The following FBXO34 variants were observed in gnomAD, a reference collection of about 807,000 sequenced individuals.
The protein encoded by FBXO34 is F-box only protein 34.
FBXO34 carries 12 observed loss-of-function variants against 24.5 expected under a neutral mutation model. The ratio of observed to expected loss-of-function variants is 0.49; its 90% confidence interval spans 0.31 to 0.79. The LOEUF is 0.79. Ranked by LOEUF, FBXO34 falls within the 30% of genes least tolerant of loss-of-function variation. The pLI is 0.04. For missense variants in FBXO34, 823 were observed against 857.7 expected (o/e 0.96, Z 0.51); for synonymous variants, 320 against 311.9 (o/e 1.03, Z -0.27).
the FBXO34 span, among the ~76,000 whole-genome samples, chr14:55,394,753 T>A: frequency 6.6e-6 from 1 of 152,148 alleles, no homozygotes; most frequent in Non-Finnish European, 1.5e-5. Context: ...ATTAAAAATG[T>A]TCAATACATT....
intron 1 of FBXO34, among the ~76,000 whole-genome samples, chr14:55,347,527 C>T (rs1218221697): frequency 2.0e-5 from 3 of 152,196 alleles, no homozygotes; most frequent in African/African-American, 7.2e-5. Context: ...GGGATTGGAG[C>T]TGGTGCCTAA....
In FBXO34 at chr14:55,351,966, G is replaced by A; in HGVS notation, c.1576G>A (p.Gly526Arg). Residue 526 changes from glycine to arginine, a missense_variant, in exon 2 of 2, where the codon GGG becomes AGG. Around this residue, in one of 2 missense-constraint regions of FBXO34, gnomAD observed 693 missense variants for 659.1 expected, o/e 1.05. Transcript: ENST00000313833. ...TGACAGTGCATCTGAGGAAAAAAGT[G>A]GGTCTGCTGAGCCATTTGTACTGCC... is the stretch of plus-strand genomic sequence containing the variant. ...GGDSASEEKS[G>R]SAEPFVLPAS... The A allele has an allele frequency of 6.2e-7, 1 of 1,614,130 alleles. No homozygotes were observed. The highest frequency in any genetic ancestry group is 8.5e-7 in the Non-Finnish European group (1 of 1,180,002).
chr14:55,387,111 C>T, the FBXO34 span, among the ~76,000 whole-genome samples: 3 of 152,180 alleles, frequency 2.0e-5, 1 homozygote, highest in African/African-American at 7.2e-5. Context: ...CTCGACTCCA[C>T]GCCTTCATGC....
chr14:55,318,201 A>G (rs1264174928), intron 1 of FBXO34: 5 of 151,758 alleles, frequency 3.3e-5, no homozygotes, highest in South Asian at 4.1e-4. Context: ...GGAAGGATCA[A>G]CAAAGAGCTA....
At chr14:55,280,596 G>C (rs1475454742) in intron 1 of FBXO34, among the ~76,000 whole-genome samples, 1 of 144,230 alleles carries the variant, frequency 6.9e-6, no homozygotes, top group Non-Finnish European at 1.5e-5. Context: ...GCGCGATCTT[G>C]GTTCACTGCA....
chr14:55,429,229 T>C, the FBXO34 span, among the ~76,000 whole-genome samples: 1 of 152,250 alleles, frequency 6.6e-6, no homozygotes, highest in Non-Finnish European at 1.5e-5. Flanking sequence ...TATGAAGTAC[T>C]TTTACTTTTA....
intron 1 of FBXO34, among the ~76,000 whole-genome samples, chr14:55,304,641 A>G (rs72715777): frequency 0.018 from 2,661 of 151,992 alleles, 50 homozygotes; most frequent in African/African-American, 0.04. Context: ...CTGGGACCAC[A>G]AGTACATACC....
the FBXO34 span, among the ~76,000 whole-genome samples, chr14:55,380,844 A>G: frequency 9.0e-6 from 1 of 110,978 alleles, no homozygotes; most frequent in African/African-American, 4.2e-5. Flanking sequence ...TAAATGGTCC[A>G]TTCTTTGTGT....
the FBXO34 span, among the ~76,000 whole-genome samples, chr14:55,396,593 C>T: frequency 5.9e-5 from 9 of 152,128 alleles, no homozygotes; most frequent in South Asian, 2.1e-4. Context: ...GAGACATCCA[C>T]GTTGGCATGG....
chr14:55,378,129 T>C, the FBXO34 span: 3 of 1,488,798 alleles, frequency 2.0e-6, no homozygotes, highest in Non-Finnish European at 2.8e-6. Context: ...AATTCTATGT[T>C]AAAATTTCCA....
chr14:55,419,983 G>A, the FBXO34 span, among the ~76,000 whole-genome samples: 1 of 152,190 alleles, frequency 6.6e-6, no homozygotes, highest in Non-Finnish European at 1.5e-5. Flanking sequence ...GCTTCCCCAA[G>A]CTTCAGTTTA....
chr14:55,362,734 G>A (rs1884609279), downstream of FBXO34, among the ~76,000 whole-genome samples: 1 of 152,114 alleles, frequency 6.6e-6, no homozygotes, highest in South Asian at 2.1e-4. Context: ...ATCAGCCTTG[G>A]GTTGGGAGGT....
At chr14:55,411,917 T>C in the FBXO34 span, 3 of 1,226,262 alleles carry the variant, frequency 2.4e-6, no homozygotes, top group African/African-American at 4.5e-5. Context: ...GGGGCTGGGA[T>C]GCCGGCGAGC....
At position 55,271,546 on chromosome 14, in the gene FBXO34, G is replaced by C. The variant is rs1183475057; in HGVS notation, c.-11+9G>C. The C allele has an allele frequency of 2.0e-5, 3 of 149,960 alleles. No homozygotes were observed. The highest frequency in any genetic ancestry group is 1.5e-5 in the Non-Finnish European group (1 of 67,358). 9.3% of individuals were successfully genotyped at this position (149,960 alleles called of 1,614,324 possible). On this transcript the variant is annotated intron_variant, in intron 1 of 1. Transcript: ENST00000313833. ...CCGGGGCAGGAGCGCAGGTGGGTCC[G>C]GGCCGAGGTGGGGCGTGGCGCGAGG...
chr14:55,372,108 T>C (rs76997592), downstream of FBXO34, among the ~76,000 whole-genome samples: 8,844 of 152,164 alleles, frequency 0.058, 322 homozygotes, highest in South Asian at 0.089. Flanking sequence ...TATCCTCTGG[T>C]TACTAAACCC....
chr14:55,384,874 G>C, the FBXO34 span, among the ~76,000 whole-genome samples: 1 of 152,330 alleles, frequency 6.6e-6, no homozygotes, highest in African/African-American at 2.4e-5. Context: ...AGCAGCATCA[G>C]GGAAGTTTAA....
rs773024238 is a variant in FBXO34, at chr14:55,351,398, T to G, written c.1008T>G (p.Pro336=). 1.2e-6 allele frequency: 2 copies of G among 1,614,220 alleles called. No homozygotes were observed. Among genetic ancestry groups the G allele is most frequent in the Non-Finnish European group, 1.7e-6 (2 of 1,180,034 alleles). Residue 336 remains proline, a synonymous_variant, in exon 2 of 2, where the codon CCT becomes CCG. Coordinates refer to ENST00000313833, the MANE Select transcript of FBXO34 (RefSeq NM_017943.4). ...GKTKKGVLEA[P]DTQVNPVGSV... The stretch of plus-strand genomic sequence containing the variant: ...CAAAGAAAGGCGTCTTGGAGGCACC[T>G]GACACTCAGGTGAATCCTGTGGGGT...
intron 1 of FBXO34, among the ~76,000 whole-genome samples, chr14:55,307,457 A>C (rs1882591254): frequency 6.6e-6 from 1 of 152,200 alleles, no homozygotes; most frequent in Non-Finnish European, 1.5e-5. Context: ...TTAAACACTT[A>C]AGCTGTTAAA....
chr14:55,393,590 GGTTAGA>G, the FBXO34 span, among the ~76,000 whole-genome samples: 2 of 150,640 alleles, frequency 1.3e-5, no homozygotes, highest in Non-Finnish European at 2.9e-5. Context: ...CTGTTGCCCA[GGTTAGA>G]GTATGGTGGT....
Sources: gnomAD v4.1 joint callset for allele counts (sites outside exome capture counted in the v4.1 genomes callset) on GRCh38, gnomAD v4.1.1 for gene constraint, gnomAD v4.1.1 regional missense constraint, MANE v1.5 for transcripts, NCBI Gene and HGNC (gene_info 2026-07-23, HGNC 2026-07-21) for gene names.